The following KCNK13 variants were observed in gnomAD, a reference collection of about 807,000 sequenced individuals.
The protein encoded by KCNK13 is potassium two pore domain channel subfamily K member 13.
Under a neutral mutation model 23.4 loss-of-function variants are expected in KCNK13, and 12 were observed. That is an observed-to-expected ratio of 0.51 (90% CI 0.33 to 0.83). The LOEUF (loss-of-function observed/expected upper bound fraction) is 0.83, where lower values mean the gene tolerates loss of function less well. Ranked by LOEUF, KCNK13 falls within the 40% of genes least tolerant of loss-of-function variation. The probability of loss-of-function intolerance (pLI) is 0.02; values close to 1 mark genes in which losing one functional copy is unlikely to be tolerated. For missense variants in KCNK13, 463 were observed against 556.3 expected (o/e 0.83, Z 1.69); for synonymous variants, 231 against 229.5 (o/e 1.01, Z -0.06).
chr14:90,147,015 C>T (rs1317297304), intron 1 of KCNK13, among the ~76,000 whole-genome samples: 1 of 152,122 alleles, frequency 6.6e-6, no homozygotes, highest in Non-Finnish European at 1.5e-5. Flanking sequence ...TTATAATATA[C>T]ATGTTAACCT....
chr14:90,101,321 C>T (rs1331854601), intron 1 of KCNK13, among the ~76,000 whole-genome samples: 2 of 152,172 alleles, frequency 1.3e-5, no homozygotes, highest in Non-Finnish European at 2.9e-5. Flanking sequence ...GAAGTCCCAG[C>T]ACGTCTCCAC....
rs775919179 is a variant in KCNK13, at chr14:90,124,316, G to A, written c.335-59795G>A. Among the ~76,000 whole-genome samples, 5 of 152,222 alleles carry A rather than the reference G, an allele frequency of 3.3e-5. No individual in the cohort carries two copies. The East Asian group carries it at 5.8e-4, about 18-fold the overall frequency. On this transcript the variant is annotated intron_variant, in intron 1 of 1. Coordinates refer to ENST00000282146, the MANE Select transcript of KCNK13 (RefSeq NM_022054.4). ...AATAATGGCCCCTGCCCCAAGACAG[G>A]TTCCATTCCCTGGAACCTGTGAATA... is the stretch of plus-strand genomic sequence containing the variant.
intron 1 of KCNK13, among the ~76,000 whole-genome samples, chr14:90,179,818 A>G (rs1004631011): frequency 2.6e-5 from 4 of 152,230 alleles, no homozygotes; most frequent in African/African-American, 9.6e-5. Context: ...AACTGATGTA[A>G]TTATATCATT....
chr14:90,119,748 C>T (rs536193085), intron 1 of KCNK13, among the ~76,000 whole-genome samples: 29 of 152,208 alleles, frequency 1.9e-4, no homozygotes, highest in South Asian at 1.2e-3. Flanking sequence ...TACAGGCACC[C>T]AACACCACGC....
intron 1 of KCNK13, among the ~76,000 whole-genome samples, chr14:90,073,962 A>T (rs1889106104): frequency 6.7e-6 from 1 of 148,492 alleles, no homozygotes; most frequent in Admixed American, 6.8e-5. Flanking sequence ...GGTGTGAGCC[A>T]CTGCGCCCGA....
intron 1 of KCNK13, among the ~76,000 whole-genome samples, chr14:90,074,385 G>T (rs1889112513): frequency 6.6e-6 from 1 of 152,186 alleles, no homozygotes; most frequent in Non-Finnish European, 1.5e-5. Context: ...ATGTAGAAAA[G>T]ATTTTTATAG....
chr14:90,174,495 T>C (rs1890400992), intron 1 of KCNK13, among the ~76,000 whole-genome samples: 1 of 152,044 alleles, frequency 6.6e-6, no homozygotes, highest in Non-Finnish European at 1.5e-5. Flanking sequence ...AGCCAAACCA[T>C]ATCACGTAGA....
intron 1 of KCNK13, among the ~76,000 whole-genome samples, chr14:90,129,813 G>T (rs1566956869): frequency 6.6e-6 from 1 of 151,982 alleles, no homozygotes; most frequent in Non-Finnish European, 1.5e-5. Context: ...ATTTGGGTGT[G>T]TTTTTCCTTG....
chr14:90,087,967 A>C lies in KCNK13; in HGVS notation c.334+25428A>C, dbSNP rs141838800. 3.2e-3 allele frequency among the ~76,000 whole-genome samples: 489 copies of C among 152,234 alleles called. 5 individuals are homozygous for C. The highest frequency in any genetic ancestry group is 0.011 in the African/African-American group (466 of 41,546). Reference sequence around the variant, plus strand: ...TATAATATTGCTTCTTGGTGATTCAATGCTACTTCTTGCTTAAGTTTATTT... The same window carrying C: ...TATAATATTGCTTCTTGGTGATTCACTGCTACTTCTTGCTTAAGTTTATTT... On this transcript the variant is annotated intron_variant, in intron 1 of 1. Coordinates refer to ENST00000282146, the MANE Select transcript of KCNK13 (RefSeq NM_022054.4).
At chr14:90,143,180 CTTTTCT>C (rs758023129) in intron 1 of KCNK13, among the ~76,000 whole-genome samples, 2 of 26,502 alleles carry the variant, frequency 7.5e-5, no homozygotes, top group Non-Finnish European at 1.1e-4. Context: ...TCTTTCTTTT[CTTTTCT>C]TTTCTTTCTT....
intron 1 of KCNK13, among the ~76,000 whole-genome samples, chr14:90,170,704 A>G (rs954017043): frequency 3.3e-5 from 5 of 152,186 alleles, no homozygotes; most frequent in African/African-American, 4.8e-5. Context: ...GTCTGGCTCA[A>G]TGAATCTGTA....
chr14:90,113,128 G>A (rs1363484702), intron 1 of KCNK13, among the ~76,000 whole-genome samples: 4 of 151,806 alleles, frequency 2.6e-5, no homozygotes, highest in Non-Finnish European at 4.4e-5. Context: ...TTGCCCAGGC[G>A]AGGCTTGTCT....
intron 1 of KCNK13, among the ~76,000 whole-genome samples, chr14:90,133,720 C>G (rs933868928): frequency 6.6e-6 from 1 of 152,104 alleles, no homozygotes; most frequent in Non-Finnish European, 1.5e-5. Context: ...TCACTCTTCC[C>G]TTTGTCTGCC....
At chr14:90,163,573 G>A (rs1043804740) in intron 1 of KCNK13, among the ~76,000 whole-genome samples, 2 of 152,222 alleles carry the variant, frequency 1.3e-5, no homozygotes, top group African/African-American at 4.8e-5. Context: ...GCATAACAGT[G>A]TGACTGACAC....
chr14:90,078,421 A>G (rs1304331331), intron 1 of KCNK13, among the ~76,000 whole-genome samples: 1 of 151,750 alleles, frequency 6.6e-6, no homozygotes, highest in Non-Finnish European at 1.5e-5. Flanking sequence ...CAGTCTCAAA[A>G]AAAAAAAAAG....
chr14:90,075,808 CT>C (rs1459533121), intron 1 of KCNK13, among the ~76,000 whole-genome samples: 3 of 152,164 alleles, frequency 2.0e-5, no homozygotes, highest in Non-Finnish European at 4.4e-5. Context: ...ATCTTCCCAT[CT>C]TTCTCTCTAG....
intron 1 of KCNK13, among the ~76,000 whole-genome samples, chr14:90,104,732 C>T (rs1305892829): frequency 6.7e-6 from 1 of 148,410 alleles, no homozygotes; most frequent in African/African-American, 2.5e-5. Context: ...CTCGGGGGTC[C>T]CTTTCCATAT....
chr14:90,149,314 C>A (rs1466112737), intron 1 of KCNK13, among the ~76,000 whole-genome samples: 1 of 152,114 alleles, frequency 6.6e-6, no homozygotes, highest in Non-Finnish European at 1.5e-5. Context: ...TGAGATCACA[C>A]CACTGCACTT....
chr14:90,130,774 A>T (rs1889859339), intron 1 of KCNK13, among the ~76,000 whole-genome samples: 1 of 152,146 alleles, frequency 6.6e-6, no homozygotes, highest in Non-Finnish European at 1.5e-5. Flanking sequence ...AGATCGCACC[A>T]CTGCACTCCA....
Sources: gnomAD v4.1 joint callset for allele counts (sites outside exome capture counted in the v4.1 genomes callset) on GRCh38, gnomAD v4.1.1 for gene constraint, MANE v1.5 for transcripts, NCBI Gene and HGNC (gene_info 2026-07-23, HGNC 2026-07-21) for gene names.